PTPRD: variants seen among roughly 807,000 people sequenced by gnomAD.
PTPRD encodes protein tyrosine phosphatase receptor type D.
PTPRD carries 34 observed loss-of-function variants against 214.5 expected under a neutral mutation model. The observed-to-expected ratio is 0.16, with a 90% CI of 0.12 to 0.21. The LOEUF is 0.21. PTPRD is among the 10% of genes least tolerant of loss of function. PTPRD has a pLI of 1.00. For missense variants in PTPRD, 2,545 were observed against 2,398.7 expected, an observed-to-expected ratio of 1.06 and a Z score of -1.27; for synonymous variants, 1,128 against 845.7, an observed-to-expected ratio of 1.33 and a Z score of -5.79.
intron 2 of PTPRD, among the ~76,000 whole-genome samples, chr9:10,566,693 C>T (rs992264643): frequency 6.6e-6 from 1 of 151,932 alleles, no homozygotes; most frequent in African/African-American, 2.4e-5. Flanking sequence ...TTTAATGCAA[C>T]TGAAGTCAGC....
chr9:9,238,617 G>C (rs1340093259), intron 9 of PTPRD, among the ~76,000 whole-genome samples: 1 of 152,022 alleles, frequency 6.6e-6, no homozygotes, highest in Non-Finnish European at 1.5e-5. Flanking sequence ...GCTCACCACT[G>C]AAAAATATGA....
intron 8 of PTPRD, among the ~76,000 whole-genome samples, chr9:9,506,215 C>T (rs564609426): frequency 6.6e-6 from 1 of 151,410 alleles, no homozygotes. Flanking sequence ...TAACTGTCTC[C>T]ATGTTTATTA....
intron 2 of PTPRD, among the ~76,000 whole-genome samples, chr9:10,433,023 T>G (rs669484): frequency 0.19 from 29,181 of 151,818 alleles, 3,817 homozygotes; most frequent in East Asian, 0.56. Flanking sequence ...AGCTCCTCCT[T>G]TTTTTGTTTT....
intron 25 of PTPRD, among the ~76,000 whole-genome samples, chr9:8,499,350 C>T (rs956383010): frequency 6.6e-6 from 1 of 152,134 alleles, no homozygotes; most frequent in African/African-American, 2.4e-5. Flanking sequence ...CTAAGTCAAT[C>T]ATTTTTTGAA....
At position 8,408,682 on chromosome 9, in the gene PTPRD, G is replaced by A. The variant is rs532118008; in HGVS notation, c.4087-4022C>T. Among the ~76,000 whole-genome samples, 3 of 152,214 alleles carry A rather than the reference G, an allele frequency of 2.0e-5. No homozygotes were observed. The East Asian group carries it at 5.8e-4, about 29-fold the overall frequency. ...GCCTCTTGAAAGACAGATATTGGAT[G>A]AACCCCATATAGCGTCTAAAGTTTT... On this transcript the variant is annotated intron_variant, in intron 35 of 45. Transcript: ENST00000381196.
chr9:8,315,282 A>G lies in PTPRD; in HGVS notation c.*2592T>C, dbSNP rs1279971453. 1 of 232,644 alleles carries G rather than the reference A, an allele frequency of 4.3e-6. No homozygotes were observed. The highest frequency in any genetic ancestry group is 8.5e-6 in the Non-Finnish European group (1 of 117,454). The allele number at this position is 232,644 out of a possible 1,614,324, so 14.4% of individuals were successfully genotyped here. Reference sequence around the variant, plus strand: ...CTCGTTCGTCTATGGTATGCATCCCATTCATTTTCTTCTTCTGATTATTGT... The same window carrying G: ...CTCGTTCGTCTATGGTATGCATCCCGTTCATTTTCTTCTTCTGATTATTGT... On this transcript the variant is annotated 3_prime_UTR_variant, in exon 46 of 46. Transcript: ENST00000381196.
At chr9:10,124,413 A>C (rs181963124) in intron 3 of PTPRD, among the ~76,000 whole-genome samples, 2 of 152,322 alleles carry the variant, frequency 1.3e-5, no homozygotes, top group East Asian at 3.9e-4. Context: ...GAAGAATATA[A>C]TACAACACAC....
At chr9:10,198,134 G>A (rs1447933874) in intron 3 of PTPRD, among the ~76,000 whole-genome samples, 1 of 151,918 alleles carries the variant, frequency 6.6e-6, no homozygotes, top group Non-Finnish European at 1.5e-5. Flanking sequence ...CTTTCATATT[G>A]TATATATAAT....
At chr9:10,081,674 C>T (rs10116311) in intron 3 of PTPRD, among the ~76,000 whole-genome samples, 46,931 of 151,800 alleles carry the variant, frequency 0.31, 7,753 homozygotes, top group African/African-American at 0.43. Context: ...GTCTATGGTG[C>T]TTTGTGATAG....
At chr9:9,130,614 G>T (rs776352629) in intron 10 of PTPRD, among the ~76,000 whole-genome samples, 13 of 152,096 alleles carry the variant, frequency 8.5e-5, no homozygotes, top group Non-Finnish European at 1.8e-4. Flanking sequence ...CTCTTATTGA[G>T]ACTTACCTCA....
chr9:10,539,716 T>C (rs777290401), intron 2 of PTPRD, among the ~76,000 whole-genome samples: 3 of 152,134 alleles, frequency 2.0e-5, no homozygotes, highest in Non-Finnish European at 4.4e-5. Flanking sequence ...TATTAAAACC[T>C]ATGGCTGTGG....
intron 9 of PTPRD, among the ~76,000 whole-genome samples, chr9:9,324,330 T>G (rs936418126): frequency 3.9e-5 from 6 of 152,192 alleles, no homozygotes; most frequent in African/African-American, 1.4e-4. Flanking sequence ...TTCCTGTTTC[T>G]CCACAACCTC....
At chr9:9,268,038 C>T (rs1445608142) in intron 9 of PTPRD, among the ~76,000 whole-genome samples, 1 of 150,240 alleles carries the variant, frequency 6.7e-6, no homozygotes, top group Non-Finnish European at 1.5e-5. Flanking sequence ...AGAAATCAGG[C>T]AAGAAAAGAA....
At chr9:8,854,942 A>G (rs904180683) in intron 11 of PTPRD, among the ~76,000 whole-genome samples, 1 of 152,182 alleles carries the variant, frequency 6.6e-6, no homozygotes, top group Admixed American at 6.5e-5. Flanking sequence ...CTGGAATCAC[A>G]TATGAATTTG....
intron 35 of PTPRD, among the ~76,000 whole-genome samples, chr9:8,431,748 G>C (rs2095068577): frequency 6.6e-6 from 1 of 152,170 alleles, no homozygotes; most frequent in South Asian, 2.1e-4. Context: ...TACCACAGCT[G>C]ACCTATTAAA....
intron 3 of PTPRD, among the ~76,000 whole-genome samples, chr9:10,279,104 C>G (rs2094932943): frequency 6.6e-6 from 1 of 152,112 alleles, no homozygotes; most frequent in South Asian, 2.1e-4. Flanking sequence ...TAACGGAACT[C>G]TGCCTCAATC....
chr9:9,796,282 A>T (rs2099001968), intron 5 of PTPRD, among the ~76,000 whole-genome samples: 1 of 152,176 alleles, frequency 6.6e-6, no homozygotes, highest in African/African-American at 2.4e-5. Context: ...ATCCAGTTGC[A>T]GGGAGAGTAA....
intron 8 of PTPRD, among the ~76,000 whole-genome samples, chr9:9,429,422 C>G (rs2082207250): frequency 6.6e-6 from 1 of 151,792 alleles, no homozygotes; most frequent in African/African-American, 2.4e-5. Flanking sequence ...GCCTACTGAC[C>G]AAAAAAAGTC....
chr9:9,611,296 T>C (rs1053811504), intron 7 of PTPRD, among the ~76,000 whole-genome samples: 3 of 152,198 alleles, frequency 2.0e-5, no homozygotes, highest in African/African-American at 7.2e-5. Flanking sequence ...GCAAATGATT[T>C]AATATGTTTT....
Sources: allele counts gnomAD v4.1 joint callset (sites outside exome capture counted in the v4.1 genomes callset), GRCh38; gene constraint gnomAD v4.1.1; transcripts MANE v1.5; gene names NCBI Gene and HGNC (gene_info 2026-07-23, HGNC 2026-07-21).